Variants in KCNB2 observed in about 807,000 individuals in gnomAD.
The protein encoded by KCNB2 is delayed rectifier potassium channel protein.
In KCNB2, 15 loss-of-function variants were observed where a neutral mutation model predicts 61.5. That is an observed-to-expected ratio of 0.24 (90% CI 0.16 to 0.38). The LOEUF is 0.38. Among genes scored for constraint, KCNB2 ranks in the 10% least tolerant of loss-of-function variants. KCNB2 has a pLI of 1.00. For missense variants in KCNB2, 828 were observed against 1,125.2 expected (o/e 0.74, Z 3.78); for synonymous variants, 457 against 446.0 (o/e 1.02, Z -0.31).
rs1563571999 is a variant in KCNB2, at chr8:72,725,575, G to GTGTA, written c.579+157263_579+157264insGTAT. Among the ~76,000 whole-genome samples the GTGTA allele has an allele frequency of 3.0e-3, 243 of 80,444 alleles. 1 individual carries two copies. Among genetic ancestry groups the GTGTA allele is most frequent in the South Asian group, 0.021 (42 of 2,042 alleles). 52.8% of individuals were successfully genotyped at this position (80,444 alleles called of 152,430 possible). On this transcript the variant is annotated intron_variant, in intron 2 of 2. Coordinates refer to ENST00000523207, the MANE Select transcript of KCNB2 (RefSeq NM_004770.3). The stretch of plus-strand genomic sequence containing the variant: ...TATATATGTATATATGTATATATAT[G>GTGTA]TATATATATATGTATGTATATATAT...
intron 1 of KCNB2, among the ~76,000 whole-genome samples, chr8:72,544,239 A>G (rs1806228935): frequency 6.6e-6 from 1 of 152,200 alleles, no homozygotes; most frequent in South Asian, 2.1e-4. Flanking sequence ...TGGTGACTGA[A>G]GGTCAGCATT....
chr8:72,663,802 T>G (rs1211338625), intron 2 of KCNB2, among the ~76,000 whole-genome samples: 1 of 152,176 alleles, frequency 6.6e-6, no homozygotes, highest in Non-Finnish European at 1.5e-5. Flanking sequence ...GAAAAAATAA[T>G]AGCTTTCATA....
chr8:72,552,062 A>C (rs1314891512), intron 1 of KCNB2, among the ~76,000 whole-genome samples: 2 of 152,140 alleles, frequency 1.3e-5, no homozygotes, highest in African/African-American at 4.8e-5. Context: ...ATTTACACTC[A>C]TGAACTCTAT....
intron 2 of KCNB2, among the ~76,000 whole-genome samples, chr8:72,671,464 A>G (rs72668177): frequency 0.031 from 4,783 of 152,280 alleles, 106 homozygotes; most frequent in Non-Finnish European, 0.045. Flanking sequence ...GCCTTGGAGT[A>G]CTTACAGATT....
chr8:72,926,877 A>G (rs911070097), intron 2 of KCNB2, among the ~76,000 whole-genome samples: 3 of 152,182 alleles, frequency 2.0e-5, no homozygotes, highest in African/African-American at 7.2e-5. Flanking sequence ...AGTCCTATGC[A>G]TTACAGTCAG....
intron 2 of KCNB2, among the ~76,000 whole-genome samples, chr8:72,663,625 G>C (rs1394825666): frequency 1.3e-5 from 2 of 152,088 alleles, no homozygotes; most frequent in Non-Finnish European, 2.9e-5. Context: ...CATTGCTTAA[G>C]TATAAAAGTT....
At chr8:72,707,540 A>G (rs1020979516) in intron 2 of KCNB2, among the ~76,000 whole-genome samples, 3 of 152,186 alleles carry the variant, frequency 2.0e-5, no homozygotes, top group African/African-American at 7.2e-5. Flanking sequence ...TGAGCTAGAC[A>G]GTATCAGAAG....
intron 2 of KCNB2, among the ~76,000 whole-genome samples, chr8:72,741,059 C>A (rs189164542): frequency 5.9e-5 from 9 of 152,256 alleles, no homozygotes; most frequent in African/African-American, 2.2e-4. Flanking sequence ...GAAGAGTTTT[C>A]TCTTTCCATT....
At chr8:72,856,486 C>A (rs1266515499) in intron 2 of KCNB2, among the ~76,000 whole-genome samples, 1 of 152,048 alleles carries the variant, frequency 6.6e-6, no homozygotes, top group Non-Finnish European at 1.5e-5. Context: ...TCAATAGGGG[C>A]CTCATCGAAA....
intron 2 of KCNB2, among the ~76,000 whole-genome samples, chr8:72,895,362 A>G (rs1379321034): frequency 6.6e-6 from 1 of 152,214 alleles, no homozygotes; most frequent in Non-Finnish European, 1.5e-5. Flanking sequence ...GAAGAAAGGC[A>G]TAGAGCAATG....
At chr8:72,757,412 C>T (rs564774602) in intron 2 of KCNB2, among the ~76,000 whole-genome samples, 1 of 152,242 alleles carries the variant, frequency 6.6e-6, no homozygotes, top group South Asian at 2.1e-4. Flanking sequence ...AAGAGAGATG[C>T]TCAGTGGTAC....
chr8:72,840,270 A>G (rs897017836), intron 2 of KCNB2, among the ~76,000 whole-genome samples: 8 of 152,156 alleles, frequency 5.3e-5, no homozygotes, highest in African/African-American at 9.7e-5. Flanking sequence ...ATAGTATTCC[A>G]TGGTGTATAT....
intron 2 of KCNB2, among the ~76,000 whole-genome samples, chr8:72,766,387 T>C (rs1808460906): frequency 6.6e-6 from 1 of 152,192 alleles, no homozygotes; most frequent in South Asian, 2.1e-4. Context: ...CACAAGAGAA[T>C]TTGTGGTCCA....
At chr8:72,702,454 G>A (rs149093663) in intron 2 of KCNB2, among the ~76,000 whole-genome samples, 14 of 152,184 alleles carry the variant, frequency 9.2e-5, no homozygotes, top group Non-Finnish European at 2.1e-4. Flanking sequence ...TAGGTGGCCT[G>A]GTTTTGTTTT....
chr8:72,826,291 C>T (rs187110699), intron 2 of KCNB2, among the ~76,000 whole-genome samples: 175 of 152,308 alleles, frequency 1.1e-3, no homozygotes, highest in African/African-American at 4.1e-3. Context: ...TGCCGATTAT[C>T]AACAGTCTTC....
chr8:72,786,977 C>T (rs1808854122), intron 2 of KCNB2, among the ~76,000 whole-genome samples: 2 of 152,254 alleles, frequency 1.3e-5, no homozygotes, highest in South Asian at 4.1e-4. Context: ...GCTCTTATTT[C>T]ATTGCTTCAT....
At chr8:72,820,869 T>C (rs542641213) in intron 2 of KCNB2, among the ~76,000 whole-genome samples, 1 of 152,312 alleles carries the variant, frequency 6.6e-6, no homozygotes, top group Non-Finnish European at 1.5e-5. Context: ...GTTCTGCTAG[T>C]GTCTTCTGAA....
At chr8:72,918,846 C>G (rs1453487735) in intron 2 of KCNB2, among the ~76,000 whole-genome samples, 1 of 152,140 alleles carries the variant, frequency 6.6e-6, no homozygotes, top group Non-Finnish European at 1.5e-5. Context: ...TAGTCATGCC[C>G]TCTGCCTGTT....
chr8:72,588,201 C>T (rs1166649117), intron 2 of KCNB2, among the ~76,000 whole-genome samples: 6 of 149,106 alleles, frequency 4.0e-5, no homozygotes, highest in African/African-American at 4.9e-5. Flanking sequence ...GATTCTGAGT[C>T]TCTCTGGGTT....
Sources: gnomAD v4.1 joint callset for allele counts (sites outside exome capture counted in the v4.1 genomes callset) on GRCh38, gnomAD v4.1.1 for gene constraint, MANE v1.5 for transcripts, NCBI Gene and HGNC (gene_info 2026-07-23, HGNC 2026-07-21) for gene names.